Variants in PPP4R1 observed in about 807,000 individuals in gnomAD.
PPP4R1 encodes the protein protein phosphatase 4 regulatory subunit 1, also known as serine/threonine-protein phosphatase 4 regulatory subunit 1.
Under a neutral mutation model 111.2 loss-of-function variants are expected in PPP4R1, and 42 were observed. The ratio of observed to expected loss-of-function variants is 0.38; its 90% CI spans 0.29 to 0.49. The LOEUF (loss-of-function observed/expected upper bound fraction) is 0.49. Among genes scored for constraint, PPP4R1 ranks in the 20% least tolerant of loss-of-function variants. The pLI, the probability that PPP4R1 is intolerant of heterozygous loss-of-function variation, is 0.97. For missense variants in PPP4R1, 1,012 were observed against 1,161.6 expected (o/e 0.87, Z 1.87); for synonymous variants, 409 against 405.5 (o/e 1.01, Z -0.10).
intron 9 of PPP4R1, among the ~76,000 whole-genome samples, chr18:9,578,795 A>G (rs2066979858): frequency 6.6e-6 from 1 of 152,194 alleles, no homozygotes; most frequent in African/African-American, 2.4e-5. Flanking sequence ...TCCCCTTCGT[A>G]AGTCACTTAC....
intron 15 of PPP4R1, 68 bp downstream of exon 15, chr18:9,557,153 C>T (rs1336474553): frequency 3.6e-6 from 5 of 1,400,096 alleles, no homozygotes; most frequent in Non-Finnish European, 4.8e-6. Flanking sequence ...TTGGTGATAG[C>T]AGAAGATAAA....
intron 12 of PPP4R1, chr18:9,562,807 G>A: frequency 1.1e-6 from 1 of 925,194 alleles, no homozygotes; most frequent in Non-Finnish European, 1.3e-6. Context: ...CAATGGCTAA[G>A]CAGCACTGAT....
chr18:9,591,611 T>G (rs1477679386), intron 4 of PPP4R1, among the ~76,000 whole-genome samples: 1 of 152,220 alleles, frequency 6.6e-6, no homozygotes, highest in East Asian at 1.9e-4. Flanking sequence ...TTCAGAGCTA[T>G]GTTATTATTC....
intron 11 of PPP4R1, among the ~76,000 whole-genome samples, chr18:9,565,057 T>C (rs1207262522): frequency 6.6e-6 from 1 of 152,178 alleles, no homozygotes; most frequent in Non-Finnish European, 1.5e-5. Flanking sequence ...AGCTTACATT[T>C]AGCAAGTCTA....
intron 9 of PPP4R1, among the ~76,000 whole-genome samples, chr18:9,578,873 G>C (rs997882722): frequency 1.3e-5 from 2 of 152,108 alleles, no homozygotes; most frequent in South Asian, 2.1e-4. Context: ...CTGTATGCAC[G>C]AATTTAATCT....
intron 6 of PPP4R1, among the ~76,000 whole-genome samples, chr18:9,586,945 T>C (rs749642567): frequency 2.6e-5 from 4 of 152,218 alleles, no homozygotes; most frequent in Non-Finnish European, 5.9e-5. Flanking sequence ...AGAAACTTCC[T>C]ATTACATTTG....
chr18:9,562,088 A>C lies in PPP4R1; in HGVS notation c.1747-13T>G, dbSNP rs746035915. ...TGGAGTCCATATTCTGTTAGGAAAA[A>C]ATAACTACTTAAAGAGCTGTCCTGT... On this transcript the variant is annotated splice_polypyrimidine_tract_variant and intron_variant, in intron 12 of 19. Coordinates refer to ENST00000400556, the MANE Select transcript of PPP4R1 (RefSeq NM_001042388.3). 1 of 1,579,824 alleles carries C rather than the reference A, an allele frequency of 6.3e-7. No homozygotes were observed. Among genetic ancestry groups the C allele is most frequent in the Non-Finnish European group, 8.7e-7 (1 of 1,149,618 alleles).
intron 2 of PPP4R1, among the ~76,000 whole-genome samples, chr18:9,604,669 C>T (rs1568128240): frequency 6.6e-6 from 1 of 152,088 alleles, no homozygotes; most frequent in East Asian, 1.9e-4. Flanking sequence ...TAATTCCCTG[C>T]CGTCTTGGGT....
At chr18:9,600,968 C>T (rs2067372080) in intron 2 of PPP4R1, among the ~76,000 whole-genome samples, 1 of 152,102 alleles carries the variant, frequency 6.6e-6, no homozygotes, top group Non-Finnish European at 1.5e-5. Flanking sequence ...GAAATGGAGA[C>T]ATTAGTACTT....
chr18:9,582,491 CACAACAG>C (rs1389070910), intron 9 of PPP4R1, among the ~76,000 whole-genome samples: 1 of 152,036 alleles, frequency 6.6e-6, no homozygotes, highest in African/African-American at 2.4e-5. Context: ...GAAAAAAACA[CACAACAG>C]ACCTATAACA....
chr18:9,546,994 T>C lies in PPP4R1; in HGVS notation c.*795A>G, dbSNP rs1436599252. The C allele has an allele frequency of 1.3e-5, 2 of 152,448 alleles. No individual in the cohort carries two copies. The highest frequency in any genetic ancestry group is 2.9e-5 in the Non-Finnish European group (2 of 68,026). 9.4% of individuals were successfully genotyped at this position (152,448 alleles called of 1,614,324 possible). A position where few individuals can be genotyped will look rare whatever the true frequency, so the allele number is the denominator to read the frequency against. On this transcript the variant is annotated 3_prime_UTR_variant, in exon 20 of 20. Coordinates refer to ENST00000400556, the MANE Select transcript of PPP4R1 (RefSeq NM_001042388.3). ...ACAGCATGATTAAAGACTGCAGCAC[T>C]CCCAAGAGTGGTCACAGGTATGTAC...
intron 10 of PPP4R1, 86 bp downstream of exon 10, chr18:9,576,978 T>A: frequency 1.6e-6 from 2 of 1,218,598 alleles, no homozygotes; most frequent in Non-Finnish European, 2.3e-6. Context: ...AAATAACATT[T>A]GTTGCAGAAT....
At chr18:9,587,519 C>T (rs1048550159) in intron 6 of PPP4R1, 3 of 152,072 alleles carry the variant, frequency 2.0e-5, no homozygotes, top group Admixed American at 6.6e-5. Flanking sequence ...TCTCGTGCCT[C>T]AGCCTCCAGA....
Position 9,614,161 on chromosome 18 carries a change from C to T in PPP4R1, c.52+65G>A. 7.9e-7 allele frequency: 1 copy of T among 1,264,284 alleles called. No individual in the cohort carries two copies. Among genetic ancestry groups the T allele is most frequent in the Non-Finnish European group, 1.0e-6 (1 of 989,168 alleles). The allele number at this position is 1,264,284 out of a possible 1,614,324, so 78.3% of individuals were successfully genotyped here. A position where few individuals can be genotyped will look rare whatever the true frequency, so the allele number is the denominator to read the frequency against. Reference sequence around the variant, plus strand: ...AGCCAGGGCCCGGCCCAGGCCTCGCCGCCGCCCGCCCTCCCCGGCCGCTCC... The same window carrying T: ...AGCCAGGGCCCGGCCCAGGCCTCGCTGCCGCCCGCCCTCCCCGGCCGCTCC... On this transcript the variant is annotated intron_variant, in intron 2 of 19. Coordinates refer to ENST00000400556, the MANE Select transcript of PPP4R1 (RefSeq NM_001042388.3). This position sits in a 1 kb window ranked among gnomAD's most constrained non-coding sequence, Gnocchi z 4.1.
chr18:9,596,618 T>G (rs2067294151), intron 2 of PPP4R1, among the ~76,000 whole-genome samples: 1 of 151,686 alleles, frequency 6.6e-6, no homozygotes, highest in African/African-American at 2.4e-5. Flanking sequence ...CTTTAGCTCT[T>G]AAGAGAGAAA....
At chr18:9,559,675 G>A in intron 13 of PPP4R1, 71 bp from the exon 14 acceptor site, 3 of 1,191,700 alleles carry the variant, frequency 2.5e-6, no homozygotes, top group African/African-American at 1.6e-5. Flanking sequence ...ACATAAATTG[G>A]GCAAAATTAT....
intron 14 of PPP4R1, among the ~76,000 whole-genome samples, chr18:9,558,699 G>GCTTT (rs10686779): frequency 0.063 from 9,262 of 148,112 alleles, 360 homozygotes; most frequent in Middle Eastern, 0.1. Flanking sequence ...TAATCAGACT[G>GCTTT]TTTTTTTTTT....
chr18:9,549,409 A>C, intron 18 of PPP4R1, 71 bp from the exon 19 acceptor site: 1 of 1,540,442 alleles, frequency 6.5e-7, no homozygotes, highest in Non-Finnish European at 8.9e-7. Context: ...TGGCTAACAA[A>C]ATCTCTGAGT....
chr18:9,596,202 A>G (rs2067287215), intron 2 of PPP4R1, among the ~76,000 whole-genome samples: 1 of 152,230 alleles, frequency 6.6e-6, no homozygotes, highest in African/African-American at 2.4e-5. Context: ...AATGAAAGTA[A>G]ACAGTCAACA....
Sources: allele counts gnomAD v4.1 joint callset (sites outside exome capture counted in the v4.1 genomes callset), GRCh38; gene constraint gnomAD v4.1.1; non-coding constraint Gnocchi (gnomAD v3.1); transcripts MANE v1.5; gene names NCBI Gene and HGNC (gene_info 2026-07-23, HGNC 2026-07-21).